The following WWOX variants were observed in gnomAD, a reference collection of about 807,000 sequenced individuals.
WWOX encodes the protein WW domain containing oxidoreductase, also known as WW domain-containing oxidoreductase.
A neutral mutation model predicts 46.2 loss-of-function variants in WWOX; 69 were observed. The ratio of observed to expected loss-of-function variants is 1.49; its 90% CI spans 1.23 to 1.82. The LOEUF (loss-of-function observed/expected upper bound fraction) is 1.82, where lower values mean the gene tolerates loss of function less well. Ranked by LOEUF, WWOX falls within the 40% of genes most tolerant of loss-of-function variation. The pLI, the probability that WWOX is intolerant of heterozygous loss-of-function variation, is 0.00. For missense variants in WWOX, 919 were observed against 542.6 expected (o/e 1.69, Z -6.89); for synonymous variants, 359 against 202.6 (o/e 1.77, Z -6.56).
intron 4 of WWOX, among the ~76,000 whole-genome samples, chr16:78,149,123 C>T (rs1186650099): frequency 2.6e-5 from 4 of 151,996 alleles, no homozygotes; most frequent in Non-Finnish European, 4.4e-5. Flanking sequence ...TCCTAAAGTG[C>T]TGGGATTATA....
intron 8 of WWOX, among the ~76,000 whole-genome samples, chr16:79,048,161 T>G (rs999561559): frequency 6.6e-6 from 1 of 152,164 alleles, no homozygotes; most frequent in African/African-American, 2.4e-5. Flanking sequence ...AGAAGCTTCC[T>G]TCAAAAAGCT....
chr16:78,984,076 C>G (rs2046737146), intron 8 of WWOX, among the ~76,000 whole-genome samples: 1 of 151,944 alleles, frequency 6.6e-6, no homozygotes, highest in Admixed American at 6.6e-5. Flanking sequence ...GACAGGGTTT[C>G]ACTGTCTTAG....
At chr16:78,761,590 G>A (rs2049796101) in intron 8 of WWOX, among the ~76,000 whole-genome samples, 1 of 151,986 alleles carries the variant, frequency 6.6e-6, no homozygotes, top group South Asian at 2.1e-4. Flanking sequence ...GACTCTCGCT[G>A]GTCTAGAGGA....
chr16:78,698,470 C>T (rs1031299741), intron 8 of WWOX, among the ~76,000 whole-genome samples: 3 of 152,158 alleles, frequency 2.0e-5, no homozygotes, highest in Non-Finnish European at 4.4e-5. Context: ...TTCCAACTTG[C>T]ATTTCTTATT....
chr16:78,406,517 T>A (rs2082550544), intron 6 of WWOX, among the ~76,000 whole-genome samples: 1 of 150,128 alleles, frequency 6.7e-6, no homozygotes, highest in South Asian at 2.1e-4. Context: ...CACACCCAGC[T>A]AATTTTTTGT....
chr16:78,444,092 C>T (rs1011826285), intron 8 of WWOX, among the ~76,000 whole-genome samples: 6 of 152,138 alleles, frequency 3.9e-5, no homozygotes, highest in Non-Finnish European at 7.3e-5. Context: ...TGCTCAGAAT[C>T]GTTTGGAAAC....
chr16:78,339,640 G>A (rs550751311), intron 5 of WWOX, among the ~76,000 whole-genome samples: 1 of 119,894 alleles, frequency 8.3e-6, no homozygotes, highest in Non-Finnish European at 2.0e-5. Context: ...CTGTGTGTGT[G>A]TATTTCAGGT....
chr16:78,120,240 C>G (rs1056309650), intron 4 of WWOX, among the ~76,000 whole-genome samples: 1 of 152,082 alleles, frequency 6.6e-6, no homozygotes, highest in African/African-American at 2.4e-5. Flanking sequence ...AGGTATTGGT[C>G]ACTCCTCAAT....
intron 6 of WWOX, among the ~76,000 whole-genome samples, chr16:78,403,776 A>G (rs1351857314): frequency 6.6e-6 from 1 of 152,242 alleles, no homozygotes; most frequent in African/African-American, 2.4e-5. Flanking sequence ...TGTTCTGCCT[A>G]GGCATTGTCA....
At chr16:78,389,568 C>G (rs755124181) in intron 6 of WWOX, among the ~76,000 whole-genome samples, 3 of 152,234 alleles carry the variant, frequency 2.0e-5, no homozygotes, top group Non-Finnish European at 2.9e-5. Flanking sequence ...TGTTTTGATT[C>G]AATTCTCAAA....
chr16:78,909,688 A>G (rs147378317), intron 8 of WWOX, among the ~76,000 whole-genome samples: 1 of 152,144 alleles, frequency 6.6e-6, no homozygotes. Flanking sequence ...TATATTTCTT[A>G]CCAGGAGTAC....
intron 8 of WWOX, among the ~76,000 whole-genome samples, chr16:78,837,434 A>G (rs1282197378): frequency 6.6e-6 from 1 of 152,224 alleles, no homozygotes; most frequent in Admixed American, 6.5e-5. Flanking sequence ...GGTTGAACCA[A>G]AAGCAATTTA....
intron 8 of WWOX, among the ~76,000 whole-genome samples, chr16:79,091,664 A>G (rs770392144): frequency 2.0e-5 from 3 of 151,992 alleles, no homozygotes; most frequent in Non-Finnish European, 4.4e-5. Flanking sequence ...TGACTCAAGG[A>G]TATTCTTACC....
chr16:79,022,579 G>C (rs373518490), intron 8 of WWOX, among the ~76,000 whole-genome samples: 8 of 152,148 alleles, frequency 5.3e-5, no homozygotes, highest in African/African-American at 1.9e-4. Context: ...AAAGAGGAAT[G>C]GGGAAGGGAA....
At chr16:79,114,550 T>C (rs1380457438) in intron 8 of WWOX, among the ~76,000 whole-genome samples, 1 of 151,794 alleles carries the variant, frequency 6.6e-6, no homozygotes, top group African/African-American at 2.4e-5. Flanking sequence ...CACCAGGAGC[T>C]GGAAGTGGCA....
intron 5 of WWOX, among the ~76,000 whole-genome samples, chr16:78,260,307 G>A (rs181721271): frequency 6.6e-6 from 1 of 151,594 alleles, no homozygotes; most frequent in East Asian, 1.9e-4. Flanking sequence ...TAACAAACAA[G>A]TTCCCACAAA....
At chr16:78,246,026 C>G (rs369155335) in intron 5 of WWOX, among the ~76,000 whole-genome samples, 6 of 152,298 alleles carry the variant, frequency 3.9e-5, no homozygotes, top group African/African-American at 1.4e-4. Context: ...AATGGTAAGG[C>G]TCCACGCTTT....
At chr16:78,729,605 C>T (rs564080746) in intron 8 of WWOX, among the ~76,000 whole-genome samples, 177 of 152,214 alleles carry the variant, frequency 1.2e-3, no homozygotes, top group Non-Finnish European at 2.2e-3. Context: ...TGGAAGATCT[C>T]TTCCAGGGCC....
intron 8 of WWOX, among the ~76,000 whole-genome samples, chr16:78,554,909 G>C (rs912946364): frequency 1.3e-5 from 2 of 152,110 alleles, no homozygotes; most frequent in African/African-American, 4.8e-5. Context: ...AAGACTGTAA[G>C]CCTTACCCAA....
Sources: gnomAD v4.1 joint callset for allele counts (sites outside exome capture counted in the v4.1 genomes callset) on GRCh38, gnomAD v4.1.1 for gene constraint, MANE v1.5 for transcripts, NCBI Gene and HGNC (gene_info 2026-07-23, HGNC 2026-07-21) for gene names.